SNTG1: variants seen among roughly 807,000 people sequenced by gnomAD.
SNTG1 encodes the protein gamma-1-syntrophin.
Under a neutral mutation model 74.7 loss-of-function variants are expected in SNTG1, and 39 were observed. That is an observed-to-expected ratio of 0.52 (90% CI 0.40 to 0.68). SNTG1 has a LOEUF of 0.68. SNTG1 is among the 30% of genes least tolerant of loss of function. The pLI is 0.00. For missense variants in SNTG1, 685 were observed against 609.5 expected (o/e 1.12, Z -1.30); for synonymous variants, 254 against 217.1 (o/e 1.17, Z -1.49).
chr8:49,971,137 TG>T (rs1423669709), intron 1 of SNTG1, among the ~76,000 whole-genome samples: 10 of 152,088 alleles, frequency 6.6e-5, no homozygotes, highest in African/African-American at 2.4e-4. Context: ...ACTGGCAAAC[TG>T]AATCCAGCAG....
At chr8:50,403,266 T>G (rs1016784319) in intron 4 of SNTG1, among the ~76,000 whole-genome samples, 7 of 152,222 alleles carry the variant, frequency 4.6e-5, no homozygotes, top group Non-Finnish European at 7.3e-5. Context: ...ATGCTGAACT[T>G]GAGCTCTCAC....
chr8:50,117,366 C>A (rs990440554), intron 1 of SNTG1, among the ~76,000 whole-genome samples: 7 of 151,970 alleles, frequency 4.6e-5, no homozygotes, highest in South Asian at 2.1e-4. Context: ...GATCAAAATG[C>A]GTGTGATTCT....
At chr8:50,536,488 A>G (rs1038382759) in intron 10 of SNTG1, among the ~76,000 whole-genome samples, 190 bp from the exon 11 acceptor site, 2 of 152,162 alleles carry the variant, frequency 1.3e-5, no homozygotes, top group Non-Finnish European at 2.9e-5. Flanking sequence ...TTCTTATAGC[A>G]TTCTGTTAAT....
chr8:50,459,589 T>C (rs2093541375), intron 8 of SNTG1, among the ~76,000 whole-genome samples: 1 of 152,094 alleles, frequency 6.6e-6, no homozygotes, highest in Non-Finnish European at 1.5e-5. Flanking sequence ...GTATACTGCA[T>C]GTTGCTGAGG....
intron 18 of SNTG1, among the ~76,000 whole-genome samples, chr8:50,766,831 GATATA>G (rs1478477560): frequency 5.9e-5 from 9 of 151,796 alleles, no homozygotes; most frequent in South Asian, 2.1e-4. Flanking sequence ...AAAATTCTAA[GATATA>G]ATATATTTAA....
At chr8:50,363,694 G>C (rs1267357568) in intron 2 of SNTG1, among the ~76,000 whole-genome samples, 4 of 152,046 alleles carry the variant, frequency 2.6e-5, no homozygotes, top group African/African-American at 9.7e-5. Flanking sequence ...AAGAGGACTT[G>C]CAAGTTATAT....
intron 1 of SNTG1, among the ~76,000 whole-genome samples, chr8:49,969,412 T>G (rs1811448939): frequency 7.9e-6 from 1 of 127,024 alleles, no homozygotes; most frequent in African/African-American, 3.4e-5. Flanking sequence ...TTTTTTTTTT[T>G]TTGAAATGGA....
At chr8:50,764,932 T>C (rs2095609947) in intron 18 of SNTG1, among the ~76,000 whole-genome samples, 1 of 152,004 alleles carries the variant, frequency 6.6e-6, no homozygotes, top group African/African-American at 2.4e-5. Context: ...GTATACATAA[T>C]GGAATAGTAT....
intron 1 of SNTG1, among the ~76,000 whole-genome samples, chr8:50,112,650 G>C (rs1269161045): frequency 6.7e-6 from 1 of 149,374 alleles, no homozygotes; most frequent in Non-Finnish European, 1.5e-5. Context: ...AGGCTTCCGA[G>C]TAGCTGGGAT....
chr8:49,914,253 T>C (rs372347936), intron 1 of SNTG1, among the ~76,000 whole-genome samples: 339 of 152,260 alleles, frequency 2.2e-3, no homozygotes, highest in African/African-American at 7.8e-3. Context: ...TTAAGGGATA[T>C]CTGTACCCCA....
intron 18 of SNTG1, among the ~76,000 whole-genome samples, chr8:50,766,377 A>C (rs1366947993): frequency 2.0e-5 from 3 of 151,920 alleles, no homozygotes; most frequent in Admixed American, 6.6e-5. Flanking sequence ...GATGCAAATT[A>C]TTTTTTGCCT....
At chr8:49,949,854 C>A (rs1809542405) in intron 1 of SNTG1, among the ~76,000 whole-genome samples, 1 of 152,152 alleles carries the variant, frequency 6.6e-6, no homozygotes. Context: ...TTAAAGTATT[C>A]CTTGGCCAGG....
intron 2 of SNTG1, among the ~76,000 whole-genome samples, chr8:50,307,141 C>A (rs1221097770): frequency 6.6e-6 from 1 of 151,920 alleles, no homozygotes; most frequent in Admixed American, 6.6e-5. Context: ...AAAATTTGAA[C>A]TTTTTAAAGC....
At chr8:49,973,327 G>C (rs940490039) in intron 1 of SNTG1, among the ~76,000 whole-genome samples, 15 of 150,786 alleles carry the variant, frequency 9.9e-5, no homozygotes, top group Non-Finnish European at 1.6e-4. Context: ...AACACATGGA[G>C]ACAGGAAGGG....
chr8:50,590,942 G>A, intron 13 of SNTG1, 25 bp downstream of exon 13: 1 of 1,507,176 alleles, frequency 6.6e-7, no homozygotes, highest in Non-Finnish European at 8.9e-7. Flanking sequence ...TACTTGGAAA[G>A]CTAAATAATA....
chr8:50,496,517 C>A (rs1321909493), intron 8 of SNTG1, among the ~76,000 whole-genome samples: 1 of 152,008 alleles, frequency 6.6e-6, no homozygotes, highest in Non-Finnish European at 1.5e-5. Context: ...ATCTCATAGA[C>A]GTTAGAATGG....
At chr8:49,949,424 A>C (rs533838824) in intron 1 of SNTG1, among the ~76,000 whole-genome samples, 2 of 152,254 alleles carry the variant, frequency 1.3e-5, no homozygotes, top group East Asian at 3.9e-4. Context: ...TAATTCACTG[A>C]TCTTCTTGAG....
At chr8:50,590,103 G>T (rs569811164) in intron 12 of SNTG1, among the ~76,000 whole-genome samples, 1 of 152,082 alleles carries the variant, frequency 6.6e-6, no homozygotes, top group South Asian at 2.1e-4. Context: ...AACCAAAAAA[G>T]GACAAAATAA....
rs531590319 is a variant in SNTG1 at position 50,614,965 on chromosome 8, C to T, written c.849+24048C>T. Among the ~76,000 whole-genome samples the T allele has an allele frequency of 1.4e-3, 194 of 140,968 alleles. 1 individual carries two copies. The highest frequency in any genetic ancestry group is 4.7e-3 in the African/African-American group (180 of 37,902). 92.5% of individuals were successfully genotyped at this position (140,968 alleles called of 152,430 possible). A position where few individuals can be genotyped will look rare whatever the true frequency, so the allele number is the denominator to read the frequency against. ...TTTTCTTTTTTTTTTTTTTTTGAGA[C>T]GGAGTCTCACTCTGTCGCCCAGGCT... On this transcript the variant is annotated intron_variant, in intron 13 of 18. Transcript: ENST00000642720.
Sources: gnomAD v4.1 joint callset for allele counts (sites outside exome capture counted in the v4.1 genomes callset) on GRCh38, gnomAD v4.1.1 for gene constraint, MANE v1.5 for transcripts, NCBI Gene and HGNC (gene_info 2026-07-23, HGNC 2026-07-21) for gene names.